Variants in SLC22A14 observed in about 807,000 individuals in gnomAD.
The protein encoded by SLC22A14 is organic cation transporter-like 4.
A neutral mutation model predicts 53.9 loss-of-function variants in SLC22A14; 50 were observed. That is an observed-to-expected ratio of 0.93 (90% CI 0.74 to 1.17). The LOEUF is 1.17. Ranked by LOEUF, SLC22A14 falls within the 50% of genes most tolerant of loss-of-function variation. The pLI, the probability that SLC22A14 is intolerant of heterozygous loss-of-function variation, is 0.00. For missense variants in SLC22A14, 671 were observed against 734.7 expected (o/e 0.91, Z 1.00); for synonymous variants, 312 against 303.0 (o/e 1.03, Z -0.31).
chr3:38,312,858 G>A (rs1704507490), intron 5 of SLC22A14, 141 bp from the exon 6 acceptor site: 5 of 1,102,632 alleles, frequency 4.5e-6, no homozygotes, highest in South Asian at 1.5e-5. Flanking sequence ...GCAGCTCGAG[G>A]TCAGTGGTGG....
Position 38,301,561 on chromosome 3 carries a change from A to G in SLC22A14, c.1-4466A>G, listed in dbSNP as rs187191950. 1.7e-3 allele frequency among the ~76,000 whole-genome samples: 261 copies of G among 151,716 alleles called. 1 individual carries two copies. Among genetic ancestry groups the G allele is most frequent in the African/African-American group, 5.8e-3 (242 of 41,402 alleles). ...CGCAGCTACCTTGCTAAGCTCTCCT[A>G]TTGTTTCTGATTCTCTGTGGATTCT... On this transcript the variant is annotated intron_variant, in intron 1 of 10. Coordinates refer to ENST00000448498, the MANE Select transcript of SLC22A14 (RefSeq NM_001320033.2).
chr3:38,290,893 T>C (rs1490741762), intron 1 of SLC22A14, among the ~76,000 whole-genome samples: 2 of 152,194 alleles, frequency 1.3e-5, no homozygotes, highest in East Asian at 3.9e-4. Flanking sequence ...TTTCCTTTCC[T>C]TTCTGATGAC....
Position 38,316,343 on chromosome 3 carries a change from G to A in SLC22A14, c.1552G>A (p.Val518Met), listed in dbSNP as rs759012341. ...TTTCAGGGCGACAGGTCTGGGGCTG[G>A]TGTCTCTGGCCTCGGTGGCTGGAGC... is the stretch of plus-strand genomic sequence containing the variant. ...TVLRATGLGLVSLASVAGAIL... is the reference protein window; with the variant it reads ...TVLRATGLGLMSLASVAGAIL... Residue 518 changes from valine to methionine, a missense_variant, in exon 10 of 11, where the codon GTG becomes ATG. Physicochemically the swap from Val to Met is conservative, Grantham distance 21. Transcript: ENST00000448498. The A allele has an allele frequency of 1.2e-5, 20 of 1,614,154 alleles. No individual in the cohort carries two copies. The highest frequency in any genetic ancestry group is 3.3e-4 in the Middle Eastern group (2 of 6,060).
At chr3:38,297,344 A>G (rs1176866096) in intron 1 of SLC22A14, among the ~76,000 whole-genome samples, 1 of 152,182 alleles carries the variant, frequency 6.6e-6, no homozygotes, top group African/African-American at 2.4e-5. Flanking sequence ...TTAGTCTCCT[A>G]CAGTCTGGGA....
intron 1 of SLC22A14, among the ~76,000 whole-genome samples, chr3:38,300,111 C>T (rs757046332): frequency 6.6e-6 from 1 of 152,164 alleles, no homozygotes; most frequent in African/African-American, 2.4e-5. Context: ...TGCTCTCAGG[C>T]TCTGCAATTC....
rs818818 is a variant in SLC22A14, at chr3:38,309,028, G to A, written c.850G>A (p.Val284Met). Residue 284 changes from valine (V) to methionine (M), a missense_variant, in exon 5 of 11, where the codon GTG (valine) becomes ATG (methionine). Val to Met is a conservative substitution (Grantham distance 21). Transcript: ENST00000448498. Reference sequence around the variant, plus strand: ...ACACTGCTTTTTCGCTGTTGGGGCCGTGTTGCTGACAGGGATCGCCTACAG... The same window carrying A: ...ACACTGCTTTTTCGCTGTTGGGGCCATGTTGCTGACAGGGATCGCCTACAG... ...LGHCFFAVGA[V>M]LLTGIAYSLP... The A allele has an allele frequency of 0.87, 1,401,884 of 1,612,942 alleles. 610,190 individuals are homozygous for A. Among genetic ancestry groups the A allele is most frequent in the Non-Finnish European group, 0.88 (1,041,465 of 1,179,006 alleles).
chr3:38,285,902 A>G (rs1281588799), intron 1 of SLC22A14, among the ~76,000 whole-genome samples: 3 of 152,226 alleles, frequency 2.0e-5, no homozygotes, highest in African/African-American at 7.2e-5. Flanking sequence ...CCAGGAATGT[A>G]TGCAAGATAG....
chr3:38,307,692 G>A lies in SLC22A14; in HGVS notation c.747G>A (p.Val249=), dbSNP rs973082896. Residue 249 remains valine (V), a synonymous_variant, in exon 4 of 11, where the codon GTG becomes GTA. Transcript: ENST00000448498. The surrounding 1 kb of genome is among the most constrained non-coding windows in gnomAD (Gnocchi z 4.4). ...FFRFGISQSV[V]GYAISSISLA... ...GCTTTGGCATCTCGCAGTCAGTGGT[G>A]GGCTACGCCATCAGCAGCATTTCTT... The A allele has an allele frequency of 6.2e-7, 1 of 1,614,074 alleles. No homozygotes were observed. Among genetic ancestry groups the A allele is most frequent in the African/African-American group, 1.3e-5 (1 of 74,930 alleles).
chr3:38,286,406 TTTTTC>T (rs1430599441), intron 1 of SLC22A14, among the ~76,000 whole-genome samples: 8 of 151,798 alleles, frequency 5.3e-5, no homozygotes, highest in Non-Finnish European at 7.4e-5. Context: ...CTTTGGCCCA[TTTTTC>T]TTTTCTTTTC....
In SLC22A14 at chr3:38,313,443, A is replaced by T. The variant is rs765525615; in HGVS notation, c.1121A>T (p.Asn374Ile). 1.9e-6 allele frequency: 3 copies of T among 1,613,980 alleles called. No individual in the cohort carries two copies. The East Asian group carries it at 6.7e-5, about 36-fold the overall frequency. The part of the protein sequence containing the change: ...TRASVLDFCK[N>I]RQLCKVTLVM... ...GCCTCTGTCCTGGACTTCTGTAAGAATAGGCAGCTCTGCAAGGTGACCTTG... is the reference window on the plus strand; with the variant it reads ...GCCTCTGTCCTGGACTTCTGTAAGATTAGGCAGCTCTGCAAGGTGACCTTG... Residue 374 changes from asparagine to isoleucine, a missense_variant, in exon 7 of 11, where the codon AAT (asparagine) becomes ATT (isoleucine). Transcript: ENST00000448498.
chr3:38,305,205 T>C (rs943569043), intron 1 of SLC22A14: 2 of 152,206 alleles, frequency 1.3e-5, no homozygotes, highest in African/African-American at 4.8e-5. Flanking sequence ...ATCTGCAGTC[T>C]AAAAGTCTGT....
chr3:38,308,826 C>T (rs540751168), intron 4 of SLC22A14, 128 bp from the exon 5 acceptor site: 58 of 832,790 alleles, frequency 7.0e-5, no homozygotes, highest in South Asian at 5.6e-4. Flanking sequence ...AGTGCAGAGA[C>T]GAGCAGAAGA....
chr3:38,307,383 T>A lies in SLC22A14; in HGVS notation c.620+26T>A, dbSNP rs767248014. The A allele has an allele frequency of 1.9e-6, 3 of 1,584,586 alleles. No individual in the cohort carries two copies. The highest frequency in any genetic ancestry group is 2.6e-6 in the Non-Finnish European group (3 of 1,153,042). On this transcript the variant is annotated intron_variant, in intron 3 of 10. Coordinates refer to ENST00000448498, the MANE Select transcript of SLC22A14 (RefSeq NM_001320033.2). This position sits in a 1 kb window ranked among gnomAD's most constrained non-coding sequence, Gnocchi z 4.4. The stretch of plus-strand genomic sequence containing the variant: ...GTGAGTCCCCGGGAGTTTCTGCTGG[T>A]CCCCGAGCCATCCCAACTCCTCCTC...
chr3:38,279,185 T>G (rs1057200492), upstream of SLC22A14, among the ~76,000 whole-genome samples: 1 of 152,220 alleles, frequency 6.6e-6, no homozygotes, highest in Non-Finnish European at 1.5e-5. Context: ...TTCTCAGCTT[T>G]GAAGTGCTAG....
intron 1 of SLC22A14, among the ~76,000 whole-genome samples, chr3:38,295,278 C>T (rs1264464625): frequency 2.6e-5 from 4 of 152,230 alleles, no homozygotes; most frequent in Non-Finnish European, 5.9e-5. Flanking sequence ...AACAGAATAG[C>T]CCCATACTTT....
chr3:38,287,527 C>T (rs1006976390), intron 1 of SLC22A14, among the ~76,000 whole-genome samples: 2 of 152,286 alleles, frequency 1.3e-5, no homozygotes, highest in East Asian at 1.9e-4. Context: ...CCACTCCCCT[C>T]TCAGATATCA....
At chr3:38,299,747 G>C (rs190853074) in intron 1 of SLC22A14, among the ~76,000 whole-genome samples, 1 of 152,188 alleles carries the variant, frequency 6.6e-6, no homozygotes, top group African/African-American at 2.4e-5. Context: ...ATATTTTGTA[G>C]AGATGGGTCT....
chr3:38,311,588 A>C (rs757053419), intron 5 of SLC22A14, among the ~76,000 whole-genome samples: 17 of 152,134 alleles, frequency 1.1e-4, no homozygotes, highest in Non-Finnish European at 2.4e-4. Flanking sequence ...AAGAGAAGCC[A>C]TACCACACCC....
chr3:38,288,908 A>G (rs1333582734), intron 1 of SLC22A14, among the ~76,000 whole-genome samples: 1 of 152,130 alleles, frequency 6.6e-6, no homozygotes, highest in East Asian at 1.9e-4. Flanking sequence ...GACTGGGCAC[A>G]GTGGCTCATA....
Sources: allele counts gnomAD v4.1 joint callset (sites outside exome capture counted in the v4.1 genomes callset), GRCh38; gene constraint gnomAD v4.1.1; non-coding constraint Gnocchi (gnomAD v3.1); transcripts MANE v1.5; gene names NCBI Gene and HGNC (gene_info 2026-07-23, HGNC 2026-07-21).